Variants in VRK2 observed in about 807,000 individuals in gnomAD.
VRK2 encodes the protein serine/threonine-protein kinase VRK2.
Under a neutral mutation model 57.6 loss-of-function variants are expected in VRK2, and 60 were observed. The ratio of observed to expected loss-of-function variants is 1.04; its 90% CI spans 0.85 to 1.29. The LOEUF is 1.29. Among genes scored for constraint, VRK2 ranks in the 50% most tolerant of loss-of-function variants. VRK2 has a pLI of 0.00. For synonymous variants in VRK2, 231 were observed against 199.2 expected (o/e 1.16, Z -1.35); for missense variants, 705 against 588.1 (o/e 1.20, Z -2.06).
At chr2:58,154,883 TC>T (rs1683561445) in intron 12 of VRK2, 1 of 611,002 alleles carries the variant, frequency 1.6e-6, no homozygotes, top group African/African-American at 1.9e-5. Flanking sequence ...TCAATTTTGT[TC>T]ACTTCAAAAT....
chr2:58,088,016 G>T (rs1231362644), intron 5 of VRK2, among the ~76,000 whole-genome samples: 1 of 152,012 alleles, frequency 6.6e-6, no homozygotes, highest in Non-Finnish European at 1.5e-5. Flanking sequence ...ACAATAATTT[G>T]TTCAAGGCCA....
chr2:58,121,079 A>G (rs983375819), intron 7 of VRK2, among the ~76,000 whole-genome samples: 3 of 152,232 alleles, frequency 2.0e-5, no homozygotes, highest in African/African-American at 7.2e-5. Context: ...GAATTGCCAT[A>G]GATTCCTGAC....
At chr2:57,946,041 C>T (rs72947167) in intron 1 of VRK2, among the ~76,000 whole-genome samples, 2,055 of 152,074 alleles carry the variant, frequency 0.014, 73 homozygotes, top group African/African-American at 0.047. Flanking sequence ...ATTCTACAAG[C>T]GAGTATTATC....
intron 1 of VRK2, among the ~76,000 whole-genome samples, chr2:57,944,204 C>T (rs1051555410): frequency 6.6e-6 from 1 of 152,224 alleles, no homozygotes; most frequent in Non-Finnish European, 1.5e-5. Flanking sequence ...GCGTGTACAG[C>T]TACAGCCATG....
At chr2:57,909,619 T>TGG (rs1213828668) in intron 1 of VRK2, among the ~76,000 whole-genome samples, 3 of 152,188 alleles carry the variant, frequency 2.0e-5, no homozygotes, top group African/African-American at 7.2e-5. Context: ...AATTATCCTT[T>TGG]GGTAAAACTC....
intron 8 of VRK2, among the ~76,000 whole-genome samples, chr2:58,126,882 C>A (rs1470103968): frequency 6.6e-6 from 1 of 151,842 alleles, no homozygotes; most frequent in Non-Finnish European, 1.5e-5. Context: ...TGTTAAAAAG[C>A]AATATTTGAA....
rs755212691 is a variant in VRK2 at position 58,146,299 on chromosome 2, T to G, written c.1024-17T>G. ...AAAAGTTTTCATTATATATTATTAC[T>G]TACTCTATACCAACAGGTTGATTCA... On this transcript the variant is annotated splice_polypyrimidine_tract_variant and intron_variant, in intron 11 of 12. Transcript: ENST00000340157. The G allele has an allele frequency of 6.3e-7, 1 of 1,583,698 alleles. No homozygotes were observed. Among genetic ancestry groups the G allele is most frequent in the South Asian group, 1.2e-5 (1 of 85,160 alleles).
intron 12 of VRK2, among the ~76,000 whole-genome samples, chr2:58,151,731 G>GTTTTGTTTTTTTTTTT (rs1683070536): frequency 6.0e-5 from 1 of 16,722 alleles, no homozygotes; most frequent in African/African-American, 1.3e-4. Flanking sequence ...TTCTATGCTT[G>GTTTTGTTTTTTTTTTT]TTTTTTTTTT....
chr2:58,140,337 C>T (rs1373785801), intron 11 of VRK2, among the ~76,000 whole-genome samples: 1 of 151,882 alleles, frequency 6.6e-6, no homozygotes, highest in Non-Finnish European at 1.5e-5. Context: ...AGTTACACCT[C>T]TTCTTTTAGT....
chr2:57,968,543 GA>G (rs1395518444), intron 1 of VRK2, among the ~76,000 whole-genome samples: 2 of 152,084 alleles, frequency 1.3e-5, no homozygotes, highest in Non-Finnish European at 2.9e-5. Flanking sequence ...TACCTTGAAA[GA>G]AAACAGTTAT....
chr2:58,125,712 C>G (rs921048533), intron 8 of VRK2, among the ~76,000 whole-genome samples: 11 of 151,856 alleles, frequency 7.2e-5, no homozygotes, highest in African/African-American at 2.7e-4. Flanking sequence ...TATGTAGATA[C>G]AGATATAAAT....
intron 1 of VRK2, among the ~76,000 whole-genome samples, chr2:58,017,833 T>C (rs1295029573): frequency 6.6e-6 from 1 of 152,224 alleles, no homozygotes; most frequent in African/African-American, 2.4e-5. Context: ...TTAGATTTGT[T>C]GTTAAATCTC....
chr2:58,139,876 T>TA (rs777971019), intron 11 of VRK2, 44 bp downstream of exon 11: 1 of 1,497,990 alleles, frequency 6.7e-7, no homozygotes. Flanking sequence ...CCTTCTATGA[T>TA]ACTTTTCTAT....
At chr2:58,112,368 C>G (rs955440928) in intron 7 of VRK2, among the ~76,000 whole-genome samples, 4 of 152,098 alleles carry the variant, frequency 2.6e-5, no homozygotes, top group African/African-American at 9.7e-5. Context: ...TCATTTCTTC[C>G]CTTCCTTTAC....
rs572549762 is a variant in VRK2 at position 58,039,916 on chromosome 2, AT to A, written c.-6+6368del. ...TTATTTTTATTTATTTTTTATTTTT[AT>A]TTTTATTTTTATTTTTGAGACAGAG... On this transcript the variant is annotated intron_variant, in intron 3 of 15. Coordinates refer to the VRK2 transcript ENST00000417641. 4.5e-3 allele frequency among the ~76,000 whole-genome samples: 679 copies of A among 150,004 alleles called. 4 individuals are homozygous for A. Among genetic ancestry groups the A allele is most frequent in the African/African-American group, 0.016 (647 of 40,954 alleles).
chr2:58,144,026 T>C (rs559421701), intron 11 of VRK2, among the ~76,000 whole-genome samples: 26 of 151,240 alleles, frequency 1.7e-4, no homozygotes, highest in Non-Finnish European at 2.5e-4. Context: ...CATATATATA[T>C]ACATATATAC....
chr2:57,981,031 C>T (rs1244035565), intron 1 of VRK2, among the ~76,000 whole-genome samples: 1 of 152,078 alleles, frequency 6.6e-6, no homozygotes, highest in African/African-American at 2.4e-5. Flanking sequence ...CACTTACATT[C>T]AAAGTTAATA....
intron 1 of VRK2, among the ~76,000 whole-genome samples, chr2:57,926,509 G>GTA (rs1187284741): frequency 1.1e-4 from 16 of 149,714 alleles, no homozygotes; most frequent in Admixed American, 1.3e-4. Flanking sequence ...TATAGTGTGT[G>GTA]TATATATATA....
intron 1 of VRK2, among the ~76,000 whole-genome samples, chr2:57,953,914 A>T (rs370018687): frequency 2.0e-4 from 30 of 152,204 alleles, no homozygotes; most frequent in African/African-American, 6.8e-4. Flanking sequence ...AAAAAAGTTA[A>T]TAATAGATAA....
Sources: allele counts gnomAD v4.1 joint callset (sites outside exome capture counted in the v4.1 genomes callset), GRCh38; gene constraint gnomAD v4.1.1; transcripts MANE v1.5; gene names NCBI Gene and HGNC (gene_info 2026-07-23, HGNC 2026-07-21).